The following NHS variants were observed in gnomAD, a reference collection of about 807,000 sequenced individuals.
NHS encodes actin remodeling regulator NHS.
Under a neutral mutation model 72.5 loss-of-function variants are expected in NHS, and 5 were observed. The ratio of observed to expected loss-of-function variants is 0.07; its 90% CI spans 0.04 to 0.14. The LOEUF (loss-of-function observed/expected upper bound fraction) is 0.14, where lower values mean the gene tolerates loss of function less well. Among genes scored for constraint, NHS ranks in the 10% least tolerant of loss-of-function variants. The pLI, the probability that NHS is intolerant of heterozygous loss-of-function variation, is 1.00. For missense variants in NHS, 1,072 were observed against 1,355.7 expected (o/e 0.79, Z 3.29); for synonymous variants, 464 against 547.7 (o/e 0.85, Z 2.13).
At chrX:17,670,452 C>T (rs1260582224) in intron 1 of NHS, among the ~76,000 whole-genome samples, 1 of 112,558 alleles carries the variant, frequency 8.9e-6, no homozygotes, top group Non-Finnish European at 1.9e-5. Context: ...CATAACCACC[C>T]ACTAACAGGG....
At chrX:17,448,848 T>A (rs1227023601) in intron 1 of NHS, among the ~76,000 whole-genome samples, 1 of 112,231 alleles carries the variant, frequency 8.9e-6, no homozygotes, top group Non-Finnish European at 1.9e-5. Context: ...AGCATGTGGT[T>A]GTATGTGCAC....
At chrX:17,544,854 C>T (rs2065284208) in intron 1 of NHS, among the ~76,000 whole-genome samples, 1 of 112,846 alleles carries the variant, frequency 8.9e-6, no homozygotes, top group Non-Finnish European at 1.9e-5. Flanking sequence ...TTAGCTCAGT[C>T]TCTTTCCTCC....
intron 1 of NHS, among the ~76,000 whole-genome samples, chrX:17,391,641 G>A (rs2064446083): frequency 8.9e-6 from 1 of 111,854 alleles, no homozygotes; most frequent in Non-Finnish European, 1.9e-5. Context: ...GGGAAGAGAA[G>A]AATGCTGCCC....
chrX:17,424,599 A>G (rs1489138460), intron 1 of NHS, among the ~76,000 whole-genome samples: 2 of 111,900 alleles, frequency 1.8e-5, no homozygotes, highest in Non-Finnish European at 3.8e-5. Flanking sequence ...TAGGTATGTT[A>G]TTGTTTGGAA....
chrX:17,501,971 G>A (rs1010562867), intron 1 of NHS, among the ~76,000 whole-genome samples: 10 of 111,921 alleles, frequency 8.9e-5, no homozygotes, highest in African/African-American at 1.6e-4. Context: ...TACTTCTGAC[G>A]TTTATGCTTC....
At chrX:17,712,177 G>A (rs764682009) in intron 3 of NHS, among the ~76,000 whole-genome samples, 1 of 97,991 alleles carries the variant, frequency 1.0e-5, no homozygotes, top group Non-Finnish European at 2.0e-5. Context: ...TCCACAGTGT[G>A]GTTTCCTTTT....
At chrX:17,677,974 A>G (rs1023121547) in intron 1 of NHS, among the ~76,000 whole-genome samples, 1 of 109,043 alleles carries the variant, frequency 9.2e-6, no homozygotes, top group African/African-American at 3.4e-5. Context: ...CTAATTTTTG[A>G]GGTTTTGTTG....
chrX:17,615,203 C>CGT (rs1245695540), intron 1 of NHS, among the ~76,000 whole-genome samples: 14 of 86,775 alleles, frequency 1.6e-4, no homozygotes, highest in African/African-American at 7.1e-4. Flanking sequence ...CACATATATA[C>CGT]GTATATATAT....
chrX:17,532,933 A>C (rs1036657564), intron 1 of NHS, among the ~76,000 whole-genome samples: 1 of 112,236 alleles, frequency 8.9e-6, no homozygotes, highest in Non-Finnish European at 1.9e-5. Flanking sequence ...GGGAGGAATA[A>C]ATAAAATCCT....
rs1601857373 is a variant in NHS at position 17,725,870 on chromosome X, T to G, written c.1764T>G (p.Ala588=). The change falls in exon 7 of 9, where the codon GCT becomes GCG. Residue 588 remains alanine (A), a synonymous_variant. Transcript: ENST00000676302. ...GAAGGTCACGTCTGTCCCGAATGGC[T>G]GCTGACTCTGGCAGCTGTGACATCT... ...ERGRSRLSRM[A]ADSGSCDISS... is the part of the protein sequence containing the mutation. 1 of 1,209,662 alleles carries G rather than the reference T, an allele frequency of 8.3e-7. No individual in the cohort carries two copies. The highest frequency in any genetic ancestry group is 2.2e-5 in the Admixed American group (1 of 45,792).
chrX:17,728,527 A>C, intron 7 of NHS, 122 bp from the exon 8 acceptor site: 1 of 1,041,120 alleles, frequency 9.6e-7, no homozygotes, highest in Non-Finnish European at 1.3e-6. Flanking sequence ...CTCATTTTTA[A>C]AAAATGGCAG....
At chrX:17,679,942 G>T (rs1273877420) in intron 1 of NHS, among the ~76,000 whole-genome samples, 1 of 110,390 alleles carries the variant, frequency 9.1e-6, no homozygotes, top group African/African-American at 3.3e-5. Context: ...TATACTCTAA[G>T]TCTCAAAGTG....
intron 1 of NHS, among the ~76,000 whole-genome samples, chrX:17,430,954 G>T (rs1166938549): frequency 8.9e-6 from 1 of 112,188 alleles, no homozygotes. Context: ...GCAAGTCTTT[G>T]TGTGGACATA....
chrX:17,586,003 T>G (rs1261387281), intron 1 of NHS: 1 of 110,781 alleles, frequency 9.0e-6, no homozygotes, highest in Non-Finnish European at 1.9e-5. Flanking sequence ...TGCTTTTTTT[T>G]CTCTTTTCAA....
intron 1 of NHS, among the ~76,000 whole-genome samples, chrX:17,577,075 GA>G (rs1209911737): frequency 8.9e-6 from 1 of 111,803 alleles, no homozygotes; most frequent in African/African-American, 3.3e-5. Context: ...CTGCCAGTAG[GA>G]AGATCAAATG....
chrX:17,694,619 C>T (rs188389959), intron 3 of NHS, among the ~76,000 whole-genome samples: 19 of 112,338 alleles, frequency 1.7e-4, no homozygotes, highest in Admixed American at 1.5e-3. Context: ...TGAATACCAG[C>T]TCTACCACTT....
chrX:17,414,654 G>A (rs767434191), intron 1 of NHS, among the ~76,000 whole-genome samples: 1 of 111,827 alleles, frequency 8.9e-6, no homozygotes, highest in East Asian at 2.8e-4. Context: ...TTCCTGAGAG[G>A]TCTCCCTGCA....
intron 1 of NHS, among the ~76,000 whole-genome samples, chrX:17,616,142 T>C (rs756340918): frequency 8.9e-6 from 1 of 112,349 alleles, no homozygotes; most frequent in South Asian, 3.7e-4. Flanking sequence ...TAGCATTTGC[T>C]GCTGTAAGGA....
At chrX:17,454,119 A>T (rs113401141) in intron 1 of NHS, among the ~76,000 whole-genome samples, 36 of 111,655 alleles carry the variant, frequency 3.2e-4, no homozygotes, top group African/African-American at 1.2e-3. Context: ...CCTTTCCTGG[A>T]TTAGAAGGAA....
Sources: allele counts gnomAD v4.1 joint callset (sites outside exome capture counted in the v4.1 genomes callset), GRCh38; gene constraint gnomAD v4.1.1; transcripts MANE v1.5; gene names NCBI Gene and HGNC (gene_info 2026-07-23, HGNC 2026-07-21).